FOXP1: variants seen among roughly 807,000 people sequenced by gnomAD.
The protein encoded by FOXP1 is forkhead box P1.
FOXP1 carries 15 observed loss-of-function variants against 98.2 expected under a neutral mutation model. The ratio of observed to expected loss-of-function variants is 0.15; its 90% CI spans 0.10 to 0.24. The LOEUF (loss-of-function observed/expected upper bound fraction) is 0.24. Among genes scored for constraint, FOXP1 ranks in the 10% least tolerant of loss-of-function variants. The pLI is 1.00. For synonymous variants in FOXP1, 371 were observed against 314.5 expected (o/e 1.18, Z -1.90); for missense variants, 633 against 848.5 (o/e 0.75, Z 3.15).
At position 71,582,879 on chromosome 3, in the gene FOXP1, G is replaced by T. The variant is rs2048300047; in HGVS notation, c.-447+692C>A. The T allele has an allele frequency of 1.9e-5, 17 of 918,448 alleles. No homozygotes were observed. The South Asian group carries it at 6.0e-4, about 33-fold the overall frequency. The allele number at this position is 918,448 out of a possible 1,614,324, so 56.9% of individuals were successfully genotyped here. On this transcript the variant is annotated intron_variant, in intron 1 of 20. Transcript: ENST00000649528. ...GGGGTAACGCGCGCGTGGCAGCGGG[G>T]AAGTTCCCCAGTGCGGGGCCCAGGG...
intron 7 of FOXP1, among the ~76,000 whole-genome samples, chr3:71,109,596 A>G (rs1179092704): frequency 6.6e-6 from 1 of 152,154 alleles, no homozygotes; most frequent in Non-Finnish European, 1.5e-5. Context: ...TTTCCCTTTC[A>G]TTTCAGAGCC....
intron 20 of FOXP1, 69 bp from the exon 21 acceptor site, chr3:70,959,460 G>C: frequency 6.3e-7 from 1 of 1,587,818 alleles, no homozygotes; most frequent in East Asian, 2.2e-5. Context: ...GCACTGAAAA[G>C]TTTGGGGCAA....
At chr3:71,234,783 T>C (rs1170662779) in intron 5 of FOXP1, among the ~76,000 whole-genome samples, 2 of 152,190 alleles carry the variant, frequency 1.3e-5, no homozygotes, top group African/African-American at 2.4e-5. Flanking sequence ...ATGGAAAATA[T>C]CAGGCAGTAA....
chr3:71,245,983 C>T (rs911438017), intron 5 of FOXP1, among the ~76,000 whole-genome samples: 3 of 137,054 alleles, frequency 2.2e-5, no homozygotes, highest in Non-Finnish European at 4.6e-5. Flanking sequence ...GCCATGATCA[C>T]TTAGTACGAA....
intron 5 of FOXP1, among the ~76,000 whole-genome samples, chr3:71,233,089 G>A (rs59391743): frequency 0.11 from 16,524 of 151,436 alleles, 1,093 homozygotes; most frequent in South Asian, 0.26. Context: ...GGGCTGCAGT[G>A]AGCTATGATT....
intron 4 of FOXP1, among the ~76,000 whole-genome samples, chr3:71,325,672 A>G (rs1376456948): frequency 6.6e-6 from 1 of 151,466 alleles, no homozygotes; most frequent in East Asian, 1.9e-4. Flanking sequence ...TATTATTATT[A>G]TTATTATTAT....
intron 5 of FOXP1, among the ~76,000 whole-genome samples, chr3:71,268,387 G>A (rs2069952577): frequency 6.6e-6 from 1 of 152,096 alleles, no homozygotes; most frequent in Admixed American, 6.6e-5. Flanking sequence ...GTATTTCCGA[G>A]ATTCCAAGGG....
In FOXP1 at chr3:71,227,986, T is replaced by A. The variant is rs577110329; in HGVS notation, c.-11-29594A>T. ...CTTCCAGTAACCAATTCCAAGAATG[T>A]GGTGGAATCAAATCAATATCATGGT... On this transcript the variant is annotated intron_variant, in intron 5 of 20. Transcript: ENST00000649528. 5.2e-5 allele frequency among the ~76,000 whole-genome samples: 6 copies of A among 116,150 alleles called. No individual in the cohort carries two copies. The South Asian group carries it at 1.8e-3, about 34-fold the overall frequency. The allele number at this position is 116,150 out of a possible 152,430, so 76.2% of individuals were successfully genotyped here. A position where few individuals can be genotyped will look rare whatever the true frequency, so the allele number is the denominator to read the frequency against.
intron 1 of FOXP1, chr3:71,582,340 C>T: frequency 1.0e-6 from 1 of 967,290 alleles, no homozygotes; most frequent in South Asian, 4.8e-5. Context: ...ATGACCGCGA[C>T]CCCGCGGCAA....
intron 5 of FOXP1, among the ~76,000 whole-genome samples, chr3:71,261,785 T>C (rs1050033677): frequency 6.6e-6 from 1 of 152,170 alleles, no homozygotes; most frequent in Non-Finnish European, 1.5e-5. Flanking sequence ...TCATTGTGAA[T>C]TACCTTATTT....
intron 3 of FOXP1, among the ~76,000 whole-genome samples, chr3:71,451,931 C>T (rs1175680956): frequency 1.3e-5 from 2 of 152,134 alleles, no homozygotes; most frequent in Non-Finnish European, 1.5e-5. Flanking sequence ...TACCTCTGGG[C>T]TAGTAATTCT....
chr3:71,342,106 A>T (rs888115592), intron 4 of FOXP1, among the ~76,000 whole-genome samples: 1 of 152,224 alleles, frequency 6.6e-6, no homozygotes, highest in Admixed American at 6.5e-5. Flanking sequence ...GCAAGCTACT[A>T]AATCTTTGGG....
chr3:71,371,527 T>C (rs2079313349), intron 3 of FOXP1, among the ~76,000 whole-genome samples: 1 of 152,208 alleles, frequency 6.6e-6, no homozygotes, highest in Non-Finnish European at 1.5e-5. Context: ...GACTCATGCC[T>C]GTGATGCCAA....
At position 71,478,015 on chromosome 3, in the gene FOXP1, C is replaced by T. The variant is rs139699782; in HGVS notation, c.-168+15411G>A. Reference sequence around the variant, plus strand: ...GAATAACCTTACCATGCCAGAAACACAAGCAAATGGTTAAAGTTCTACTCT... The same window carrying T: ...GAATAACCTTACCATGCCAGAAACATAAGCAAATGGTTAAAGTTCTACTCT... On this transcript the variant is annotated intron_variant, in intron 3 of 20. Coordinates refer to ENST00000649528, the MANE Select transcript of FOXP1 (RefSeq NM_001349338.3). Among the ~76,000 whole-genome samples the T allele has an allele frequency of 8.5e-5, 13 of 152,286 alleles. No individual in the cohort carries two copies. The East Asian group carries it at 2.5e-3, about 29-fold the overall frequency.
chr3:71,438,055 T>G (rs753880537), intron 3 of FOXP1, among the ~76,000 whole-genome samples: 1 of 152,198 alleles, frequency 6.6e-6, no homozygotes, highest in Non-Finnish European at 1.5e-5. Context: ...CTATCTCTAC[T>G]AGTTATATGA....
intron 3 of FOXP1, among the ~76,000 whole-genome samples, chr3:71,481,151 C>T (rs373065537): frequency 5.9e-5 from 9 of 152,248 alleles, no homozygotes; most frequent in East Asian, 5.8e-4. Flanking sequence ...TTGCTTAGGA[C>T]AAACTTTGGG....
chr3:71,403,869 A>G (rs2082109263), intron 3 of FOXP1, among the ~76,000 whole-genome samples: 1 of 152,132 alleles, frequency 6.6e-6, no homozygotes, highest in Non-Finnish European at 1.5e-5. Context: ...CAACAACAAC[A>G]AAAAAGTAAA....
intron 3 of FOXP1, among the ~76,000 whole-genome samples, chr3:71,409,539 C>T (rs2082576962): frequency 6.6e-6 from 1 of 150,830 alleles, no homozygotes; most frequent in Non-Finnish European, 1.5e-5. Context: ...CACTAGGGCT[C>T]ACCTATCTTT....
chr3:71,462,117 G>C (rs2088196297), intron 3 of FOXP1, among the ~76,000 whole-genome samples: 1 of 152,152 alleles, frequency 6.6e-6, no homozygotes. Flanking sequence ...AGGCCTTACA[G>C]GACTGCACAT....
Sources: gnomAD v4.1 joint callset for allele counts (sites outside exome capture counted in the v4.1 genomes callset) on GRCh38, gnomAD v4.1.1 for gene constraint, MANE v1.5 for transcripts, NCBI Gene and HGNC (gene_info 2026-07-23, HGNC 2026-07-21) for gene names.